Variants in UNC79 observed in about 807,000 individuals in gnomAD.
UNC79 encodes protein unc-79 homolog.
UNC79 carries 37 observed loss-of-function variants against 283.1 expected under a neutral mutation model. The ratio of observed to expected loss-of-function variants is 0.13; its 90% confidence interval spans 0.10 to 0.17. UNC79 has a LOEUF of 0.17. Among genes scored for constraint, UNC79 ranks in the 10% least tolerant of loss-of-function variants. The pLI is 1.00. For missense variants in UNC79, 2,272 were observed against 3,211.1 expected, an observed-to-expected ratio of 0.71 and a Z score of 7.07; for synonymous variants, 1,107 against 1,200.2, an observed-to-expected ratio of 0.92 and a Z score of 1.61.
exon 19 of UNC79, chr14:93,580,295 A>T: frequency 6.2e-7 from 1 of 1,614,234 alleles, no homozygotes; most frequent in African/African-American, 1.3e-5. Context: ...AGTGCAACTT[A>T]TGTCAGTCTA....
At chr14:93,652,121 T>C (rs1177095623) in intron 35 of UNC79, among the ~76,000 whole-genome samples, 1 of 152,084 alleles carries the variant, frequency 6.6e-6, no homozygotes, top group African/African-American at 2.4e-5. Context: ...ATCATAGAGA[T>C]GGGAGAGTCG....
At position 93,631,650 on chromosome 14, in the gene UNC79, G is replaced by A. The variant is rs527777316; in HGVS notation, c.5716+742G>A. Among the ~76,000 whole-genome samples, 7 of 152,210 alleles carry A rather than the reference G, an allele frequency of 4.6e-5. No homozygotes were observed. The South Asian group carries it at 1.2e-3, about 27-fold the overall frequency. ...TGCTGATAAATGTTGTGTTCCATGTGGACATTGCCTGAAAAGCTATTTAAT... is the reference window on the plus strand; with the variant it reads ...TGCTGATAAATGTTGTGTTCCATGTAGACATTGCCTGAAAAGCTATTTAAT... On this transcript the variant is annotated intron_variant, in intron 31 of 48. Transcript: ENST00000555664.
chr14:93,440,514 G>T (rs8009515), intron 1 of UNC79, among the ~76,000 whole-genome samples: 21,594 of 148,256 alleles, frequency 0.15, 2,247 homozygotes, highest in African/African-American at 0.3. Flanking sequence ...CTAGCTTTTT[G>T]AGTTGGCTGT....
At chr14:93,336,381 A>G (rs2053578008) in intron 1 of UNC79, among the ~76,000 whole-genome samples, 1 of 152,098 alleles carries the variant, frequency 6.6e-6, no homozygotes, top group Non-Finnish European at 1.5e-5. Flanking sequence ...TTGCTCTGTC[A>G]CCCAGGCTGG....
intron 14 of UNC79, among the ~76,000 whole-genome samples, chr14:93,549,336 T>C (rs192521365): frequency 2.0e-5 from 3 of 152,190 alleles, no homozygotes; most frequent in African/African-American, 7.2e-5. Flanking sequence ...ATTTTAAACA[T>C]TGGTAAATAT....
intron 1 of UNC79, among the ~76,000 whole-genome samples, chr14:93,451,893 A>G (rs1171093889): frequency 6.6e-6 from 1 of 152,162 alleles, no homozygotes; most frequent in Non-Finnish European, 1.5e-5. Context: ...TTAGCTTTCA[A>G]GCTTCCAAAA....
intron 1 of UNC79, among the ~76,000 whole-genome samples, chr14:93,401,680 G>A (rs923824883): frequency 2.6e-5 from 4 of 152,172 alleles, no homozygotes; most frequent in African/African-American, 9.6e-5. Flanking sequence ...AGAACATGCT[G>A]TCAGCCTAGA....
At chr14:93,656,582 A>C (rs1300079546) in intron 38 of UNC79, among the ~76,000 whole-genome samples, 2 of 152,144 alleles carry the variant, frequency 1.3e-5, no homozygotes, top group Non-Finnish European at 2.9e-5. Context: ...TGAGCCCAGG[A>C]GGTTGAGACT....
chr14:93,417,780 C>G (rs2055495693), intron 1 of UNC79, among the ~76,000 whole-genome samples: 1 of 151,908 alleles, frequency 6.6e-6, no homozygotes, highest in South Asian at 2.1e-4. Flanking sequence ...TTTCATCTTC[C>G]ATCACTGATA....
chr14:93,461,342 A>G (rs919766754), intron 1 of UNC79, among the ~76,000 whole-genome samples: 1 of 152,258 alleles, frequency 6.6e-6, no homozygotes, highest in African/African-American at 2.4e-5. Context: ...GTTTTATACA[A>G]TCCCAATTTT....
chr14:93,391,075 A>G (rs1465163291), intron 1 of UNC79, among the ~76,000 whole-genome samples: 1 of 152,236 alleles, frequency 6.6e-6, no homozygotes, highest in Non-Finnish European at 1.5e-5. Context: ...CTAAAGCTGC[A>G]GTAATTACAA....
At chr14:93,655,718 C>T (rs911615801) in intron 38 of UNC79, among the ~76,000 whole-genome samples, 1 of 151,660 alleles carries the variant, frequency 6.6e-6, no homozygotes, top group African/African-American at 2.4e-5. Flanking sequence ...GTTTTTCTCC[C>T]GTAGATATTA....
At position 93,597,853 on chromosome 14, in the gene UNC79, G is replaced by T. The variant is rs188830340; in HGVS notation, c.3372+313G>T. On this transcript the variant is annotated intron_variant, in intron 24 of 48. Coordinates refer to ENST00000555664, the Ensembl canonical transcript of UNC79. Reference sequence around the variant, plus strand: ...CTAATACTATCATATTGGTGATTTAGTTTCAACAGGAATTTGGGGGTGAGG... The same window carrying T: ...CTAATACTATCATATTGGTGATTTATTTTCAACAGGAATTTGGGGGTGAGG... Among the ~76,000 whole-genome samples, 385 of 152,216 alleles carry T rather than the reference G, an allele frequency of 2.5e-3. 2 individuals are homozygous for T. Among genetic ancestry groups the T allele is most frequent in the Admixed American group, 4.4e-3 (68 of 15,298 alleles).
At chr14:93,570,048 T>C (rs2063124488) in intron 14 of UNC79, among the ~76,000 whole-genome samples, 1 of 152,126 alleles carries the variant, frequency 6.6e-6, no homozygotes, top group Non-Finnish European at 1.5e-5. Flanking sequence ...CTGGGCTCAG[T>C]CGATCCTCCC....
intron 1 of UNC79, chr14:93,334,951 A>G (rs1212663694): frequency 6.6e-6 from 1 of 152,272 alleles, no homozygotes; most frequent in Admixed American, 6.5e-5. Context: ...AAATAAGATC[A>G]GTCCCCACTG....
At chr14:93,637,435 A>C in intron 32 of UNC79, 136 bp downstream of exon 35, 1 of 1,411,366 alleles carries the variant, frequency 7.1e-7, no homozygotes, top group South Asian at 1.5e-5. Flanking sequence ...AAACACCCCC[A>C]GTGGCTGAGA....
chr14:93,630,734 A>G (rs1305201241), intron 30 of UNC79, 67 bp from the exon 33 acceptor site: 19 of 1,253,412 alleles, frequency 1.5e-5, no homozygotes, highest in Non-Finnish European at 1.2e-6. Context: ...GGTAAAAGAT[A>G]TAGAAAAGGT....
upstream of UNC79, among the ~76,000 whole-genome samples, chr14:93,429,528 A>G (rs370882827): frequency 1.3e-5 from 2 of 152,224 alleles, no homozygotes; most frequent in African/African-American, 4.8e-5. Context: ...ACTCAGAAGC[A>G]TCTTTCCTTG....
At chr14:93,659,923 CAT>C (rs2140422303) in intron 39 of UNC79, among the ~76,000 whole-genome samples, 1 of 152,248 alleles carries the variant, frequency 6.6e-6, no homozygotes, top group African/African-American at 2.4e-5. Context: ...AATGAAAAAA[CAT>C]ATTCATATTA....
Sources: gnomAD v4.1 joint callset for allele counts (sites outside exome capture counted in the v4.1 genomes callset) on GRCh38, gnomAD v4.1.1 for gene constraint, MANE v1.5 for transcripts, NCBI Gene and HGNC (gene_info 2026-07-23, HGNC 2026-07-21) for gene names.